Variants in TAFA4 observed in about 807,000 individuals in gnomAD.
TAFA4 encodes the protein TAFA chemokine like family member 4, also known as chemokine-like protein TAFA-4.
Under a neutral mutation model 21.1 loss-of-function variants are expected in TAFA4, and 20 were observed. The observed-to-expected ratio is 0.95, with a 90% CI of 0.67 to 1.38. The LOEUF (loss-of-function observed/expected upper bound fraction) is 1.38. Among genes scored for constraint, TAFA4 ranks in the 40% most tolerant of loss-of-function variants. The probability of loss-of-function intolerance (pLI) is 0.00; values close to 1 mark genes in which losing one functional copy is unlikely to be tolerated. For missense variants in TAFA4, 211 were observed against 180.9 expected (o/e 1.17, Z -0.95); for synonymous variants, 71 against 67.4 (o/e 1.05, Z -0.26).
chr3:68,846,848 G>A (rs1704813790), intron 3 of TAFA4, among the ~76,000 whole-genome samples: 1 of 152,174 alleles, frequency 6.6e-6, no homozygotes, highest in African/African-American at 2.4e-5. Context: ...CACCAGTGGA[G>A]GCTGCAGAAC....
At chr3:68,841,064 A>ACACACATTCTCCACAAAACTT (rs1704650306) in intron 3 of TAFA4, among the ~76,000 whole-genome samples, 2 of 135,696 alleles carry the variant, frequency 1.5e-5, no homozygotes, top group African/African-American at 2.6e-5. Flanking sequence ...AATAAAATCC[A>ACACACATTCTCCACAAAACTT]TGTAATCCCA....
At chr3:68,764,705 G>A (rs1467090294) in intron 3 of TAFA4, among the ~76,000 whole-genome samples, 2 of 152,102 alleles carry the variant, frequency 1.3e-5, no homozygotes, top group African/African-American at 4.8e-5. Flanking sequence ...GTCTGGCTCT[G>A]GTTTTACTAT....
intron 3 of TAFA4, among the ~76,000 whole-genome samples, chr3:68,822,157 G>A (rs1704127406): frequency 2.0e-5 from 3 of 152,138 alleles, no homozygotes; most frequent in Admixed American, 2.0e-4. Context: ...TAAAAAAAAT[G>A]TAACCCAAAC....
chr3:68,851,006 G>T (rs1704932611), intron 3 of TAFA4, among the ~76,000 whole-genome samples: 1 of 152,108 alleles, frequency 6.6e-6, no homozygotes, highest in African/African-American at 2.4e-5. Context: ...ATGCTCAAGG[G>T]AATATAAATT....
intron 2 of TAFA4, among the ~76,000 whole-genome samples, chr3:68,883,970 G>T (rs1442739846): frequency 7.6e-6 from 1 of 131,016 alleles, no homozygotes; most frequent in Admixed American, 8.2e-5. Context: ...CAGGGAGGCA[G>T]GGAGGGAAAG....
At chr3:68,812,326 A>G (rs1408647600) in intron 3 of TAFA4, among the ~76,000 whole-genome samples, 1 of 152,220 alleles carries the variant, frequency 6.6e-6, no homozygotes, top group Non-Finnish European at 1.5e-5. Flanking sequence ...ACATAACAAT[A>G]TTAACCTTAA....
At chr3:68,745,979 C>T (rs1702449470) in intron 4 of TAFA4, among the ~76,000 whole-genome samples, 1 of 152,060 alleles carries the variant, frequency 6.6e-6, no homozygotes, top group Non-Finnish European at 1.5e-5. Flanking sequence ...AAAGGCAGAC[C>T]CACCCTTAAT....
At chr3:68,914,412 G>A (rs2089985796) in intron 1 of TAFA4, among the ~76,000 whole-genome samples, 1 of 152,166 alleles carries the variant, frequency 6.6e-6, no homozygotes, top group Admixed American at 6.5e-5. Context: ...GTACCTATGT[G>A]AACATTCACT....
At chr3:68,808,307 G>A (rs1160983175) in intron 3 of TAFA4, among the ~76,000 whole-genome samples, 1 of 152,096 alleles carries the variant, frequency 6.6e-6, no homozygotes, top group Non-Finnish European at 1.5e-5. Context: ...CCTGAGTCCA[G>A]CAATTGAAAG....
chr3:68,785,559 A>T (rs986007574), intron 3 of TAFA4, among the ~76,000 whole-genome samples: 4 of 152,158 alleles, frequency 2.6e-5, no homozygotes, highest in African/African-American at 9.7e-5. Flanking sequence ...GGCCGCTCCT[A>T]ATGCGGGGCC....
chr3:68,765,422 T>A (rs910775210), intron 3 of TAFA4, among the ~76,000 whole-genome samples: 7 of 152,312 alleles, frequency 4.6e-5, no homozygotes, highest in Non-Finnish European at 8.8e-5. Context: ...GCTGCATTTT[T>A]TTTTATCATA....
chr3:68,885,145 A>G (rs1174619584), intron 2 of TAFA4, 30 bp downstream of exon 2: 1 of 1,609,302 alleles, frequency 6.2e-7, no homozygotes, highest in Non-Finnish European at 8.5e-7. Context: ...TAAAGATATC[A>G]TGTCCAGGTG....
chr3:68,806,302 A>C (rs1221298072), intron 3 of TAFA4, among the ~76,000 whole-genome samples: 2 of 152,216 alleles, frequency 1.3e-5, no homozygotes, highest in East Asian at 1.9e-4. Flanking sequence ...GTCTTTTAGC[A>C]GTTTCCACAC....
chr3:68,916,182 G>A (rs1428598846), intron 1 of TAFA4: 1 of 152,238 alleles, frequency 6.6e-6, no homozygotes, highest in Non-Finnish European at 1.5e-5. Flanking sequence ...AGCTCAGCAA[G>A]TGAAGTCATT....
chr3:68,810,630 C>T (rs961373503), intron 3 of TAFA4, among the ~76,000 whole-genome samples: 7 of 152,154 alleles, frequency 4.6e-5, no homozygotes, highest in African/African-American at 7.2e-5. Flanking sequence ...GGGGGAGGGG[C>T]GCCCACCATT....
intron 3 of TAFA4, among the ~76,000 whole-genome samples, chr3:68,846,225 T>C (rs907473795): frequency 6.6e-6 from 1 of 151,996 alleles, no homozygotes; most frequent in Non-Finnish European, 1.5e-5. Context: ...TTTCACTCTT[T>C]TTCCTCTAAT....
intron 3 of TAFA4, among the ~76,000 whole-genome samples, chr3:68,855,570 C>T (rs925764170): frequency 5.3e-5 from 8 of 152,044 alleles, no homozygotes; most frequent in South Asian, 2.1e-4. Flanking sequence ...CATGTACTGA[C>T]GTAGCGTTTG....
Position 68,753,021 on chromosome 3 carries a change from A to G in TAFA4, c.131-3T>C, listed in dbSNP as rs766885476. Reference sequence around the variant, plus strand: ...CCCTTGCTTGATTTGGTGGTGACCTAGTTGGTAATGGGGGAGAAAAACAAA... The same window carrying G: ...CCCTTGCTTGATTTGGTGGTGACCTGGTTGGTAATGGGGGAGAAAAACAAA... On this transcript the variant is annotated splice_polypyrimidine_tract_variant and splice_region_variant and intron_variant, in intron 3 of 5. Coordinates refer to ENST00000295569, the MANE Select transcript of TAFA4 (RefSeq NM_182522.5). 1.2e-6 allele frequency: 2 copies of G among 1,612,124 alleles called. No individual in the cohort carries two copies. The highest frequency in any genetic ancestry group is 3.3e-5 in the Admixed American group (2 of 59,938).
chr3:68,750,562 C>A (rs1702541966), intron 4 of TAFA4, among the ~76,000 whole-genome samples: 1 of 152,070 alleles, frequency 6.6e-6, no homozygotes, highest in Admixed American at 6.5e-5. Context: ...ATATATTGAC[C>A]AAACAGATAA....
Sources: gnomAD v4.1 joint callset for allele counts (sites outside exome capture counted in the v4.1 genomes callset) on GRCh38, gnomAD v4.1.1 for gene constraint, MANE v1.5 for transcripts, NCBI Gene and HGNC (gene_info 2026-07-23, HGNC 2026-07-21) for gene names.